PARP10: variants seen among roughly 807,000 people sequenced by gnomAD.
PARP10 encodes poly(ADP-ribose) polymerase family member 10.
A neutral mutation model predicts 82.4 loss-of-function variants in PARP10; 56 were observed. The observed-to-expected ratio is 0.68, with a 90% CI of 0.55 to 0.85. The LOEUF is 0.85. Among genes scored for constraint, PARP10 ranks in the 40% least tolerant of loss-of-function variants. The probability of loss-of-function intolerance (pLI) is 0.00; values close to 1 mark genes in which losing one functional copy is unlikely to be tolerated. For missense variants in PARP10, 1,227 were observed against 1,379.4 expected, an observed-to-expected ratio of 0.89 and a Z score of 1.75; for synonymous variants, 576 against 601.1, an observed-to-expected ratio of 0.96 and a Z score of 0.61.
At chr8:143,993,031 A>G, upstream of PARP10, 1 of 596,358 alleles carries the variant, frequency 1.7e-6, no homozygotes, top group Non-Finnish European at 3.0e-6. Context: ...TGGCCACAGC[A>G]TGGCCCCTTT....
intron 1 of PARP10, among the ~76,000 whole-genome samples, chr8:144,009,867 G>C (rs1834261804): frequency 1.3e-5 from 2 of 152,072 alleles, no homozygotes; most frequent in South Asian, 4.2e-4. Context: ...TCTCAGCTCT[G>C]CCCACTCTCT....
At chr8:143,980,343 A>C (rs1320627160) in intron 9 of PARP10, among the ~76,000 whole-genome samples, 1 of 145,100 alleles carries the variant, frequency 6.9e-6, no homozygotes, top group Non-Finnish European at 1.5e-5. Context: ...AAAAAAAAAA[A>C]AAAAAAAACC....
rs1437099172 is a variant in PARP10, at chr8:144,005,090, A to G, written c.-80+7440T>C. ...GCTACTCAGGAGGGTGAGGCACGAG[A>G]CTCACTTGAGCCCGGGAGGCAGAGG... On this transcript the variant is annotated intron_variant, in intron 1 of 3. Transcript: ENST00000530478. Among the ~76,000 whole-genome samples the G allele has an allele frequency of 1.3e-4, 20 of 151,196 alleles. 1 individual carries two copies. The highest frequency in any genetic ancestry group is 1.3e-3 in the Admixed American group (20 of 15,146).
chr8:143,985,495 C>G lies in PARP10; in HGVS notation c.590G>C (p.Arg197Pro). ...CTCCAGGGGCCCCCCACCACTGCGG[C>G]GCTCATTCTCCAGGTACAACTCCAG... is the stretch of plus-strand genomic sequence containing the variant. ...LLLELYLENE[R>P]RSGGGPLEDL... The change falls in exon 4 of 11, where the codon CGC becomes CCC. Residue 197 changes from arginine (R) to proline (P), a missense_variant. Transcript: ENST00000313028. The G allele has an allele frequency of 6.2e-7, 1 of 1,613,922 alleles. No individual in the cohort carries two copies. The highest frequency in any genetic ancestry group is 8.5e-7 in the Non-Finnish European group (1 of 1,179,948).
At chr8:143,996,588 A>G (rs1834166482) in intron 1 of PARP10, among the ~76,000 whole-genome samples, 1 of 152,224 alleles carries the variant, frequency 6.6e-6, no homozygotes. Flanking sequence ...CACCTAGTCC[A>G]GGGCCTGGCA....
At chr8:144,004,754 G>A (rs1320060742) in intron 1 of PARP10, among the ~76,000 whole-genome samples, 1 of 152,142 alleles carries the variant, frequency 6.6e-6, no homozygotes, top group African/African-American at 2.4e-5. Flanking sequence ...TTCACAGGTC[G>A]GCGCTCAGCT....
intron 1 of PARP10, among the ~76,000 whole-genome samples, chr8:144,009,728 T>C (rs79213641): frequency 1.3e-5 from 2 of 152,310 alleles, no homozygotes; most frequent in African/African-American, 2.4e-5. Flanking sequence ...TTCCTTCCAA[T>C]TGGGTTGGTA....
chr8:143,986,465 C>T, upstream of PARP10: 1 of 1,587,158 alleles, frequency 6.3e-7, no homozygotes, highest in Non-Finnish European at 8.6e-7. Context: ...AAAAGTGAAA[C>T]TGAAAGACGG....
intron 1 of PARP10, among the ~76,000 whole-genome samples, chr8:144,007,283 C>T (rs1554752145): frequency 6.6e-6 from 1 of 152,226 alleles, no homozygotes; most frequent in African/African-American, 2.4e-5. Context: ...CTTCCCAGCT[C>T]CTGGTTGGCA....
chr8:143,990,125 T>TGCGGGC (rs1470225310), upstream of PARP10: 18 of 149,974 alleles, frequency 1.2e-4, no homozygotes, highest in African/African-American at 2.9e-4. This position sits in a 1 kb window ranked among gnomAD's most constrained non-coding sequence, Gnocchi z 5.6. Context: ...CGGGTGCGGG[T>TGCGGGC]GCGGGCGCAT....
intron 1 of PARP10, among the ~76,000 whole-genome samples, chr8:143,996,292 T>C (rs1290968869): frequency 6.6e-6 from 1 of 152,226 alleles, no homozygotes; most frequent in Non-Finnish European, 1.5e-5. Context: ...AAGCAAATAT[T>C]AAACCCACAC....
At position 144,008,184 on chromosome 8, in the gene PARP10, G is replaced by A. The variant is rs546579816; in HGVS notation, c.-80+4346C>T. Among the ~76,000 whole-genome samples, 2 of 152,304 alleles carry A rather than the reference G, an allele frequency of 1.3e-5. No individual in the cohort carries two copies. Among genetic ancestry groups the A allele is most frequent in the South Asian group, 2.1e-4 (1 of 4,826 alleles). On this transcript the variant is annotated intron_variant, in intron 1 of 3. Coordinates refer to the PARP10 transcript ENST00000530478. This position sits in a 1 kb window ranked among gnomAD's most constrained non-coding sequence, Gnocchi z 4.0. Reference sequence around the variant, plus strand: ...GGCCAGTACTGCTAGGACATGTGGCGGATAGCTGCTTCCCAGGAGGTGCCT... The same window carrying A: ...GGCCAGTACTGCTAGGACATGTGGCAGATAGCTGCTTCCCAGGAGGTGCCT...
At chr8:143,979,185 G>T (rs1833790941) in intron 9 of PARP10, among the ~76,000 whole-genome samples, 1 of 152,034 alleles carries the variant, frequency 6.6e-6, no homozygotes, top group African/African-American at 2.4e-5. Context: ...GTGTTAGCCA[G>T]GATGGTCTCG....
At chr8:143,992,933 C>A, upstream of PARP10, 1 of 1,098,022 alleles carries the variant, frequency 9.1e-7, no homozygotes, top group Non-Finnish European at 1.3e-6. Context: ...TCCCCTCTCT[C>A]TTGTCCCCAG....
intron 9 of PARP10, among the ~76,000 whole-genome samples, chr8:143,982,302 CA>C (rs1397065505): frequency 1.3e-5 from 2 of 151,760 alleles, no homozygotes; most frequent in African/African-American, 4.8e-5. Flanking sequence ...ACCCCGTCTC[CA>C]CTAAAAATAT....
chr8:143,992,856 G>T (rs373128624), upstream of PARP10: 2 of 1,610,274 alleles, frequency 1.2e-6, no homozygotes, highest in African/African-American at 1.3e-5. Flanking sequence ...GCTCCAGCTC[G>T]CTGTGCCCGC....
At chr8:143,979,961 G>A (rs1490556379) in intron 9 of PARP10, among the ~76,000 whole-genome samples, 4 of 138,470 alleles carry the variant, frequency 2.9e-5, no homozygotes, top group South Asian at 4.5e-4. Context: ...GCAGTGAGCC[G>A]ACATCGTGCC....
Position 143,986,357 on chromosome 8 carries a change from C to G in PARP10, c.2+1G>C, listed in dbSNP as rs558753353. On this transcript the variant is annotated splice_donor_variant, in intron 1 of 10. Transcript: ENST00000313028. LOFTEE classifies it high-confidence loss of function. ...TGGGTGGCCCCACATACAGCACTTA[C>G]ATTCCCCGTGGCCGCTAGGCAGCCT... 3 of 1,614,164 alleles carry G rather than the reference C, an allele frequency of 1.9e-6. No individual in the cohort carries two copies. The highest frequency in any genetic ancestry group is 2.2e-5 in the East Asian group (1 of 44,876).
At chr8:143,993,959 T>C (rs1460652835), upstream of PARP10, among the ~76,000 whole-genome samples, 1 of 152,202 alleles carries the variant, frequency 6.6e-6, no homozygotes, top group Non-Finnish European at 1.5e-5. Context: ...CCCGGTCCTT[T>C]GGAGCCCTCA....
Sources: gnomAD v4.1 joint callset for allele counts (sites outside exome capture counted in the v4.1 genomes callset) on GRCh38, gnomAD v4.1.1 for gene constraint, Gnocchi (gnomAD v3.1) non-coding constraint, MANE v1.5 for transcripts, NCBI Gene and HGNC (gene_info 2026-07-23, HGNC 2026-07-21) for gene names.